Variants in GCNT1 observed in about 807,000 individuals in gnomAD.
The protein encoded by GCNT1 is beta-1,3-galactosyl-O-glycosyl-glycoprotein beta-1,6-N-acetylglucosaminyltransferase.
GCNT1 carries 16 observed loss-of-function variants against 26.2 expected under a neutral mutation model. The ratio of observed to expected loss-of-function variants is 0.61; its 90% CI spans 0.41 to 0.93. The LOEUF (loss-of-function observed/expected upper bound fraction) is 0.93, where lower values mean the gene tolerates loss of function less well. GCNT1 is among the 40% of genes least tolerant of loss of function. The pLI is 0.00. For missense variants in GCNT1, 477 were observed against 526.7 expected, an observed-to-expected ratio of 0.91 and a Z score of 0.92; for synonymous variants, 183 against 190.8, an observed-to-expected ratio of 0.96 and a Z score of 0.34.
chr9:76,461,134 T>C (rs1446423506), intron 2 of GCNT1, among the ~76,000 whole-genome samples: 1 of 151,374 alleles, frequency 6.6e-6, no homozygotes, highest in Non-Finnish European at 1.5e-5. Context: ...TGGGTGGATA[T>C]TGGCCATTTC....
In GCNT1 at chr9:76,495,874, T is replaced by A. The variant is rs576827736; in HGVS notation, c.-289-5042T>A. Among the ~76,000 whole-genome samples, 9 of 152,378 alleles carry A rather than the reference T, an allele frequency of 5.9e-5. No individual in the cohort carries two copies. The East Asian group carries it at 1.7e-3, about 29-fold the overall frequency. On this transcript the variant is annotated intron_variant, in intron 2 of 3. Transcript: ENST00000376730. ...TTTTTTTAACATATTTTTAACTTTA[T>A]ATCCTGAGGATGTTAGTGGTAGTTT...
In GCNT1 at chr9:76,471,018, T is replaced by G. The variant is rs538688169; in HGVS notation, c.-290+10841T>G. Among the ~76,000 whole-genome samples the G allele has an allele frequency of 2.6e-5, 4 of 152,318 alleles. No individual in the cohort carries two copies. In the East Asian group the frequency reaches 5.8e-4, roughly 22 times the overall value. ...AGGTGGAGCCCCTGATCTCATCCAT[T>G]GTCTACACATTTCTCACATCTGTTA... On this transcript the variant is annotated intron_variant, in intron 2 of 3. Transcript: ENST00000376730.
chr9:76,488,294 A>G (rs1232887239), intron 2 of GCNT1, among the ~76,000 whole-genome samples: 1 of 152,190 alleles, frequency 6.6e-6, no homozygotes, highest in African/African-American at 2.4e-5. Context: ...TGAATTATTT[A>G]GTTGACGACT....
At chr9:76,454,080 G>A (rs1823713200) in intron 1 of GCNT1, among the ~76,000 whole-genome samples, 1 of 152,042 alleles carries the variant, frequency 6.6e-6, no homozygotes, top group Non-Finnish European at 1.5e-5. Context: ...AGTAAACAAT[G>A]TTAAAAAGAA....
At chr9:76,442,820 TATTC>T (rs1210814872) in intron 1 of GCNT1, among the ~76,000 whole-genome samples, 1 of 141,564 alleles carries the variant, frequency 7.1e-6, no homozygotes, top group Non-Finnish European at 1.6e-5. Context: ...TTCTCTTATT[TATTC>T]ATCAAATATT....
At chr9:76,452,037 C>T (rs7854540) in intron 1 of GCNT1, among the ~76,000 whole-genome samples, 39,593 of 145,734 alleles carry the variant, frequency 0.27, 5,642 homozygotes, top group Non-Finnish European at 0.32. Context: ...GGTGTGATCT[C>T]GGCTTACTGC....
In GCNT1 at chr9:76,507,292, A is replaced by G. The variant is rs1410965348; in HGVS notation, c.*3624A>G. ...GTAAGTTGGGGACCATCAGTTTAAA[A>G]TAAATGCAATACTATTTCATGATAA... is the stretch of plus-strand genomic sequence containing the variant. On this transcript the variant is annotated 3_prime_UTR_variant, in exon 4 of 4. Coordinates refer to ENST00000376730, the MANE Select transcript of GCNT1 (RefSeq NM_001490.5). The G allele has an allele frequency of 6.0e-6, 1 of 167,104 alleles. No individual in the cohort carries two copies. Among genetic ancestry groups the G allele is most frequent in the African/African-American group, 2.4e-5 (1 of 41,472 alleles). 10.4% of individuals were successfully genotyped at this position (167,104 alleles called of 1,614,324 possible). A position where few individuals can be genotyped will look rare whatever the true frequency, so the allele number is the denominator to read the frequency against.
the GCNT1 span, chr9:76,399,418 T>C: frequency 1.3e-6 from 2 of 1,485,156 alleles, no homozygotes. Flanking sequence ...AGTTCACTGC[T>C]ACTCAGCCTG....
rs143402212 is a variant in GCNT1 at position 76,431,775 on chromosome 9, G to A, written n.38+11888G>A. Among the ~76,000 whole-genome samples, 643 of 152,266 alleles carry A rather than the reference G, an allele frequency of 4.2e-3. 2 individuals carry two copies. Among genetic ancestry groups the A allele is most frequent in the African/African-American group, 0.014 (589 of 41,556 alleles). ...CCTAGCTGTAGCCATCCAAGAGCCTGCCATTAATACCTCATTAACACAACA... is the reference window on the plus strand; with the variant it reads ...CCTAGCTGTAGCCATCCAAGAGCCTACCATTAATACCTCATTAACACAACA... On this transcript the variant is annotated intron_variant and non_coding_transcript_variant, in intron 1 of 3. Transcript: ENST00000488136.
chr9:76,400,680 A>C, the GCNT1 span, among the ~76,000 whole-genome samples: 2 of 152,230 alleles, frequency 1.3e-5, no homozygotes, highest in East Asian at 3.8e-4. Flanking sequence ...GCTTCCTAGC[A>C]TGAGACAATG....
chr9:76,469,268 A>G lies in GCNT1; in HGVS notation c.-290+9091A>G, dbSNP rs552281232. On this transcript the variant is annotated intron_variant, in intron 2 of 3. Transcript: ENST00000376730. Reference sequence around the variant, plus strand: ...CTAGCTGGATTTCCTAGGCCCACTAAGAATCCCTAAGCCTAGCTGGGAAGG... The same window carrying G: ...CTAGCTGGATTTCCTAGGCCCACTAGGAATCCCTAAGCCTAGCTGGGAAGG... Among the ~76,000 whole-genome samples the G allele has an allele frequency of 7.4e-4, 113 of 152,368 alleles. 1 individual carries two copies. The highest frequency in any genetic ancestry group is 1.6e-3 in the Non-Finnish European group (106 of 68,034).
chr9:76,406,175 C>A, the GCNT1 span, among the ~76,000 whole-genome samples: 1 of 152,128 alleles, frequency 6.6e-6, no homozygotes, highest in Admixed American at 6.5e-5. Flanking sequence ...TGTATATCAT[C>A]TTTGGTGAAG....
chr9:76,441,624 T>G (rs1329354674), upstream of GCNT1: 4 of 152,294 alleles, frequency 2.6e-5, no homozygotes, highest in Non-Finnish European at 5.9e-5. Context: ...CTGTTTCGTA[T>G]GTGGGAAATT....
intron 3 of GCNT1, 40 bp from the exon 4 acceptor site, chr9:76,502,198 TA>T: frequency 9.8e-6 from 2 of 204,108 alleles, no homozygotes; most frequent in Non-Finnish European, 9.5e-6. Flanking sequence ...TATATATATA[TA>T]TATATTTATT....
chr9:76,394,433 T>A, the GCNT1 span: 1 of 365,168 alleles, frequency 2.7e-6, no homozygotes, highest in Non-Finnish European at 4.9e-6. Flanking sequence ...AAGTGCCGGG[T>A]GTGAGCGGGG....
chr9:76,480,965 G>A (rs533485157), intron 2 of GCNT1, among the ~76,000 whole-genome samples: 6 of 152,092 alleles, frequency 3.9e-5, no homozygotes, highest in South Asian at 2.1e-4. Flanking sequence ...ATAGCTGGGC[G>A]TGGTGTCTCA....
the GCNT1 span, among the ~76,000 whole-genome samples, chr9:76,400,381 C>T: frequency 6.6e-6 from 1 of 152,178 alleles, no homozygotes; most frequent in South Asian, 2.1e-4. Flanking sequence ...AAGCCATGAC[C>T]CCTTACCTGC....
chr9:76,476,042 T>G (rs186843582), intron 2 of GCNT1, among the ~76,000 whole-genome samples: 20 of 152,230 alleles, frequency 1.3e-4, no homozygotes, highest in African/African-American at 4.3e-4. Context: ...GTAGAGGAAA[T>G]TGGGGAGACA....
chr9:76,397,188 G>A, the GCNT1 span, among the ~76,000 whole-genome samples: 54 of 152,172 alleles, frequency 3.5e-4, 4 homozygotes, highest in South Asian at 0.011. Context: ...AGACTGGGGC[G>A]GAAGAATCGC....
Sources: gnomAD v4.1 joint callset for allele counts (sites outside exome capture counted in the v4.1 genomes callset) on GRCh38, gnomAD v4.1.1 for gene constraint, MANE v1.5 for transcripts, NCBI Gene and HGNC (gene_info 2026-07-23, HGNC 2026-07-21) for gene names.